RHOU: variants seen among roughly 807,000 people sequenced by gnomAD.
RHOU encodes the protein ras homolog family member U.
Under a neutral mutation model 12.6 loss-of-function variants are expected in RHOU, and 8 were observed. The ratio of observed to expected loss-of-function variants is 0.64; its 90% CI spans 0.37 to 1.15. The LOEUF (loss-of-function observed/expected upper bound fraction) is 1.15. Among genes scored for constraint, RHOU ranks in the 50% most tolerant of loss-of-function variants. The pLI is 0.01. For missense variants in RHOU, 258 were observed against 347.0 expected, an observed-to-expected ratio of 0.74 and a Z score of 2.04; for synonymous variants, 161 against 147.4, an observed-to-expected ratio of 1.09 and a Z score of -0.67.
the RHOU span, among the ~76,000 whole-genome samples, chr1:228,722,627 CCT>C: frequency 1.4e-5 from 2 of 143,990 alleles, no homozygotes; most frequent in Non-Finnish European, 3.0e-5. Flanking sequence ...ATCCTGACCT[CCT>C]TTTTTTTTTT....
chr1:228,649,841 T>C, the RHOU span, among the ~76,000 whole-genome samples: 1 of 152,240 alleles, frequency 6.6e-6, no homozygotes, highest in East Asian at 1.9e-4. Context: ...TTCTTTCAGT[T>C]ATATTTTATG....
the RHOU span, among the ~76,000 whole-genome samples, chr1:228,683,215 T>G: frequency 6.6e-6 from 1 of 152,310 alleles, no homozygotes; most frequent in East Asian, 1.9e-4. Flanking sequence ...ACTGACCTAA[T>G]CATGGTTTGA....
At chr1:228,693,039 G>T in the RHOU span, among the ~76,000 whole-genome samples, 1 of 151,886 alleles carries the variant, frequency 6.6e-6, no homozygotes, top group Non-Finnish European at 1.5e-5. Context: ...CATTAAGAAG[G>T]GTACAACAAG....
the RHOU span, among the ~76,000 whole-genome samples, chr1:228,716,722 G>T: frequency 8.9e-6 from 1 of 111,736 alleles, no homozygotes; most frequent in Admixed American, 8.4e-5. Flanking sequence ...TGTTATGTGT[G>T]TGTGTATATA....
the RHOU span, among the ~76,000 whole-genome samples, chr1:228,692,380 A>T: frequency 6.6e-6 from 1 of 152,278 alleles, no homozygotes; most frequent in East Asian, 1.9e-4. Flanking sequence ...TCTTCATATT[A>T]TTCTTATTTG....
At chr1:228,724,360 C>G in the RHOU span, among the ~76,000 whole-genome samples, 1 of 152,136 alleles carries the variant, frequency 6.6e-6, no homozygotes, top group African/African-American at 2.4e-5. Flanking sequence ...ATAAAAAATC[C>G]TATCTATTTA....
chr1:228,687,732 G>A, the RHOU span: 16 of 1,442,874 alleles, frequency 1.1e-5, no homozygotes, highest in Middle Eastern at 2.4e-4. Flanking sequence ...GGGTGAGCAC[G>A]TGACCAACTT....
chr1:228,673,661 C>G, the RHOU span, among the ~76,000 whole-genome samples: 1 of 152,166 alleles, frequency 6.6e-6, no homozygotes, highest in Non-Finnish European at 1.5e-5. Context: ...TAAGACATGC[C>G]TCCTTCCTTT....
chr1:228,692,588 G>A, the RHOU span, among the ~76,000 whole-genome samples: 14,583 of 151,946 alleles, frequency 0.096, 733 homozygotes, highest in Middle Eastern at 0.15. Context: ...CTTTTCTGGC[G>A]ATTCTAAAAT....
Position 228,735,710 on chromosome 1 carries a change from A to G in RHOU, c.-33A>G. 1.7e-6 allele frequency: 2 copies of G among 1,196,798 alleles called. No individual in the cohort carries two copies. Among genetic ancestry groups the G allele is most frequent in the Non-Finnish European group, 1.0e-6 (1 of 965,780 alleles). The allele number at this position is 1,196,798 out of a possible 1,614,324, so 74.1% of individuals were successfully genotyped here. ...AGGGGCGGTCGGGCCGGGCCCTGCT[A>G]GCCCGCGACCGCAAGCCCGCGCTCG... On this transcript the variant is annotated 5_prime_UTR_variant, in exon 1 of 3. Coordinates refer to ENST00000366691, the MANE Select transcript of RHOU (RefSeq NM_021205.6). The surrounding 1 kb of genome is among the most constrained non-coding windows in gnomAD (Gnocchi z 8.1).
At chr1:228,736,451 C>T (rs1372676505) in intron 1 of RHOU, among the ~76,000 whole-genome samples, 1 of 152,042 alleles carries the variant, frequency 6.6e-6, no homozygotes, top group African/African-American at 2.4e-5. Flanking sequence ...CGCTCCTTTG[C>T]TTTTAGGCGG....
chr1:228,721,730 G>C, the RHOU span, among the ~76,000 whole-genome samples: 1 of 152,176 alleles, frequency 6.6e-6, no homozygotes, highest in African/African-American at 2.4e-5. Context: ...GCGGGATCTC[G>C]GCTCACTGCA....
At chr1:228,687,330 G>A in the RHOU span, 2 of 697,140 alleles carry the variant, frequency 2.9e-6, no homozygotes, top group Non-Finnish European at 5.1e-6. Context: ...TTCTTTATTT[G>A]AAGGAATGGT....
the RHOU span, among the ~76,000 whole-genome samples, chr1:228,686,719 T>C: frequency 2.0e-5 from 3 of 152,316 alleles, no homozygotes; most frequent in East Asian, 3.9e-4. Flanking sequence ...TTTTAAAGCC[T>C]TGATAATCCC....
the RHOU span, among the ~76,000 whole-genome samples, chr1:228,692,337 A>G: frequency 6.6e-6 from 1 of 152,226 alleles, no homozygotes; most frequent in African/African-American, 2.4e-5. Flanking sequence ...AAAACTGCCC[A>G]AAGACTTTAT....
At chr1:228,707,247 A>AG in the RHOU span, among the ~76,000 whole-genome samples, 5 of 93,808 alleles carry the variant, frequency 5.3e-5, no homozygotes, top group South Asian at 1.5e-3. Context: ...ATATATATAT[A>AG]TATATATAGT....
rs1250590237 is a variant in RHOU at position 228,744,947 on chromosome 1, T to G, written c.*1207T>G. The G allele has an allele frequency of 6.6e-6, 1 of 152,222 alleles. No individual in the cohort carries two copies. Among genetic ancestry groups the G allele is most frequent in the African/African-American group, 2.4e-5 (1 of 41,452 alleles). The allele number at this position is 152,222 out of a possible 1,614,324, so 9.4% of individuals were successfully genotyped here. ...GTATGTTTTTAAGTGTATCTTAATA[T>G]ATACATTTTTTAGGACATCTTAAAT... On this transcript the variant is annotated 3_prime_UTR_variant, in exon 3 of 3. Coordinates refer to ENST00000366691, the MANE Select transcript of RHOU (RefSeq NM_021205.6).
the RHOU span, among the ~76,000 whole-genome samples, chr1:228,674,440 A>G: frequency 1.4e-5 from 2 of 147,180 alleles, no homozygotes; most frequent in East Asian, 4.0e-4. Flanking sequence ...TCTGCCTCCC[A>G]GGTTCAAGCG....
intron 2 of RHOU, among the ~76,000 whole-genome samples, chr1:228,739,393 G>A (rs889456814): frequency 3.4e-4 from 51 of 152,020 alleles, no homozygotes; most frequent in African/African-American, 9.9e-4. Flanking sequence ...GTGAAACCCC[G>A]TCTCTACTAA....
Sources: allele counts gnomAD v4.1 joint callset (sites outside exome capture counted in the v4.1 genomes callset), GRCh38; gene constraint gnomAD v4.1.1; non-coding constraint Gnocchi (gnomAD v3.1); transcripts MANE v1.5; gene names NCBI Gene and HGNC (gene_info 2026-07-23, HGNC 2026-07-21).